Variants in VEPH1 observed in about 807,000 individuals in gnomAD.
VEPH1 encodes the protein ventricular zone expressed PH domain containing 1, also known as ventricular zone-expressed PH domain-containing protein homolog 1.
Under a neutral mutation model 85.2 loss-of-function variants are expected in VEPH1, and 80 were observed. The ratio of observed to expected loss-of-function variants is 0.94; its 90% CI spans 0.78 to 1.13. VEPH1 has a LOEUF of 1.13. Ranked by LOEUF, VEPH1 falls within the 50% of genes most tolerant of loss-of-function variation. The pLI, the probability that VEPH1 is intolerant of heterozygous loss-of-function variation, is 0.00. For missense variants in VEPH1, 955 were observed against 980.5 expected (o/e 0.97, Z 0.35); for synonymous variants, 297 against 348.0 (o/e 0.85, Z 1.63).
At chr3:157,322,262 C>CAT (rs1222113587) in intron 9 of VEPH1, among the ~76,000 whole-genome samples, 1 of 152,190 alleles carries the variant, frequency 6.6e-6, no homozygotes, top group Non-Finnish European at 1.5e-5. Flanking sequence ...CTTCAATGTT[C>CAT]ATACACATGG....
intron 5 of VEPH1, among the ~76,000 whole-genome samples, chr3:157,427,162 A>C (rs573498556): frequency 1.8e-4 from 28 of 151,656 alleles, no homozygotes; most frequent in Non-Finnish European, 2.9e-4. Flanking sequence ...TAGCTTTTGT[A>C]TTTTTAGTAG....
intron 4 of VEPH1, among the ~76,000 whole-genome samples, chr3:157,433,821 G>C (rs762681785): frequency 1.3e-5 from 2 of 152,108 alleles, no homozygotes; most frequent in Non-Finnish European, 2.9e-5. Flanking sequence ...TTGAATGTTT[G>C]GTAGAACTTG....
At chr3:157,397,569 ATTTG>A (rs1176656249) in intron 6 of VEPH1, among the ~76,000 whole-genome samples, 4 of 151,970 alleles carry the variant, frequency 2.6e-5, no homozygotes, top group Admixed American at 6.6e-5. Flanking sequence ...ATGTTTTTTC[ATTTG>A]TTTGTGTCCT....
rs374141511 is a variant in VEPH1, at chr3:157,367,520, T to A, written c.1128-3008A>T. ...TCATGAAACTAAAATATTTCTCTGGTTCCATGGAACCTAATCACCCTTCAA... is the reference window on the plus strand; with the variant it reads ...TCATGAAACTAAAATATTTCTCTGGATCCATGGAACCTAATCACCCTTCAA... On this transcript the variant is annotated intron_variant, in intron 7 of 13. Transcript: ENST00000362010. Among the ~76,000 whole-genome samples, 138 of 152,358 alleles carry A rather than the reference T, an allele frequency of 9.1e-4. 2 individuals are homozygous for A. In the South Asian group the frequency reaches 0.014, roughly 16 times the overall value.
chr3:157,403,530 A>G (rs1193461620), intron 6 of VEPH1, among the ~76,000 whole-genome samples: 1 of 152,096 alleles, frequency 6.6e-6, no homozygotes, highest in Non-Finnish European at 1.5e-5. Flanking sequence ...TCGAGTGAGT[A>G]AAGTATCATT....
chr3:157,497,243 ATTCCTCTCCCC>A (rs1739736158), intron 1 of VEPH1, among the ~76,000 whole-genome samples: 2 of 152,076 alleles, frequency 1.3e-5, no homozygotes, highest in Admixed American at 6.5e-5. Context: ...AAGAAAATGA[ATTCCTCTCCCC>A]TTCTACACTG....
At chr3:157,443,287 G>T in intron 4 of VEPH1, 1 of 249,516 alleles carries the variant, frequency 4.0e-6, no homozygotes, top group East Asian at 7.9e-5. Flanking sequence ...AGGGACAATT[G>T]TTTTACTTTT....
intron 9 of VEPH1, among the ~76,000 whole-genome samples, chr3:157,338,421 C>T (rs943055098): frequency 6.6e-6 from 1 of 152,158 alleles, no homozygotes; most frequent in South Asian, 2.1e-4. Flanking sequence ...TTGAATATTG[C>T]TAGCTTAGAT....
intron 6 of VEPH1, among the ~76,000 whole-genome samples, chr3:157,403,833 G>A (rs1056432875): frequency 3.3e-5 from 5 of 152,104 alleles, no homozygotes; most frequent in South Asian, 2.1e-4. Flanking sequence ...GTATATATGC[G>A]GGCATGTCTA....
intron 11 of VEPH1, among the ~76,000 whole-genome samples, chr3:157,298,770 T>C (rs1718414290): frequency 6.6e-6 from 1 of 152,140 alleles, no homozygotes; most frequent in Admixed American, 6.5e-5. Flanking sequence ...AATTAGATTC[T>C]AGGAAATAGT....
intron 13 of VEPH1, among the ~76,000 whole-genome samples, chr3:157,261,892 A>G (rs1374812012): frequency 1.3e-5 from 2 of 152,176 alleles, no homozygotes; most frequent in Non-Finnish European, 2.9e-5. Context: ...GAAATATTTA[A>G]TGATGTTACA....
At chr3:157,272,317 CCTCT>C (rs370989598) in intron 12 of VEPH1, among the ~76,000 whole-genome samples, 86 of 141,166 alleles carry the variant, frequency 6.1e-4, no homozygotes, top group African/African-American at 1.5e-3. Context: ...TCTCTCTCTC[CCTCT>C]CTCTCTCTCT....
intron 9 of VEPH1, among the ~76,000 whole-genome samples, chr3:157,343,240 C>G (rs1303997006): frequency 2.0e-5 from 3 of 152,066 alleles, no homozygotes; most frequent in Non-Finnish European, 2.9e-5. Flanking sequence ...AATCCAGGAG[C>G]TGGTTTTTTG....
intron 9 of VEPH1, among the ~76,000 whole-genome samples, chr3:157,360,392 T>C (rs145032692): frequency 5.3e-4 from 80 of 152,272 alleles, no homozygotes; most frequent in African/African-American, 1.7e-3. Context: ...AGTCCTAGGT[T>C]ATCTAGGTCA....
rs191230728 is a variant in VEPH1, at chr3:157,347,642, G to T, written c.1735+15722C>A. 2.0e-3 allele frequency among the ~76,000 whole-genome samples: 310 copies of T among 152,348 alleles called. 3 individuals are homozygous for T. The highest frequency in any genetic ancestry group is 0.014 in the South Asian group (69 of 4,826). On this transcript the variant is annotated intron_variant, in intron 9 of 13. Transcript: ENST00000362010. ...GTGATTGGAAGCCCAGGAGGGCAGCGTGGAGGCACCAGGCCTCTGCAGCCC... is the reference window on the plus strand; with the variant it reads ...GTGATTGGAAGCCCAGGAGGGCAGCTTGGAGGCACCAGGCCTCTGCAGCCC...
chr3:157,468,640 T>C (rs1736620375), intron 3 of VEPH1, among the ~76,000 whole-genome samples: 1 of 152,072 alleles, frequency 6.6e-6, no homozygotes. Flanking sequence ...TTTTAAAAAT[T>C]GCTATATTGA....
At chr3:157,422,333 C>A (rs1272725659) in intron 5 of VEPH1, among the ~76,000 whole-genome samples, 1 of 152,200 alleles carries the variant, frequency 6.6e-6, no homozygotes, top group Admixed American at 6.5e-5. Flanking sequence ...TTTGGTACCA[C>A]CACTGTTCTT....
intron 12 of VEPH1, among the ~76,000 whole-genome samples, chr3:157,274,076 C>A (rs1715071806): frequency 6.6e-6 from 1 of 152,210 alleles, no homozygotes; most frequent in South Asian, 2.1e-4. Context: ...CCCTTTCCTA[C>A]TCCCTAGAGT....
At chr3:157,267,189 G>A (rs1037216086) in intron 12 of VEPH1, among the ~76,000 whole-genome samples, 34 of 146,640 alleles carry the variant, frequency 2.3e-4, no homozygotes, top group Admixed American at 2.1e-4. Flanking sequence ...TCCACCTCTC[G>A]GGCTCAAGTG....
Sources: allele counts gnomAD v4.1 joint callset (sites outside exome capture counted in the v4.1 genomes callset), GRCh38; gene constraint gnomAD v4.1.1; transcripts MANE v1.5; gene names NCBI Gene and HGNC (gene_info 2026-07-23, HGNC 2026-07-21).